KLF8: variants seen among roughly 807,000 people sequenced by gnomAD.
KLF8 encodes Krueppel-like factor 8.
A neutral mutation model predicts 18.2 loss-of-function variants in KLF8; 10 were observed. That is an observed-to-expected ratio of 0.55 (90% CI 0.34 to 0.93). KLF8 has a LOEUF of 0.93. Ranked by LOEUF, KLF8 falls within the 40% of genes least tolerant of loss-of-function variation. The pLI is 0.02. For missense variants in KLF8, 264 were observed against 277.9 expected (o/e 0.95, Z 0.36); for synonymous variants, 109 against 97.3 (o/e 1.12, Z -0.71).
At chrX:56,191,414 A>C in the KLF8 span, among the ~76,000 whole-genome samples, 30 of 111,818 alleles carry the variant, frequency 2.7e-4, no homozygotes, top group African/African-American at 9.7e-4. Context: ...TACTCAAACT[A>C]TTTCAAAAAC....
the KLF8 span, among the ~76,000 whole-genome samples, chrX:56,003,793 T>A: frequency 8.9e-6 from 1 of 112,326 alleles, no homozygotes; most frequent in Admixed American, 9.5e-5. Context: ...TACTATTGTT[T>A]TGCTTATCAT....
At chrX:56,022,299 C>G in the KLF8 span, among the ~76,000 whole-genome samples, 1 of 110,363 alleles carries the variant, frequency 9.1e-6, no homozygotes, top group South Asian at 3.9e-4. Context: ...GTAATCCCAG[C>G]ACTTTGGGAG....
the KLF8 span, among the ~76,000 whole-genome samples, chrX:55,950,332 A>G: frequency 1.8e-5 from 2 of 111,343 alleles, no homozygotes; most frequent in African/African-American, 6.5e-5. Flanking sequence ...CAACAGCAGT[A>G]TGAGTAGTTA....
At chrX:56,021,526 G>GTGA in the KLF8 span, among the ~76,000 whole-genome samples, 1 of 110,286 alleles carries the variant, frequency 9.1e-6, no homozygotes, top group Non-Finnish European at 1.9e-5. Flanking sequence ...GGTTATGCAT[G>GTGA]TGATTAGTTT....
chrX:56,197,627 A>G, the KLF8 span, among the ~76,000 whole-genome samples: 2 of 112,024 alleles, frequency 1.8e-5, no homozygotes, highest in Non-Finnish European at 3.8e-5. Flanking sequence ...GTCTAGGACC[A>G]GATGGATTCA....
At chrX:56,184,999 C>T in the KLF8 span, among the ~76,000 whole-genome samples, 7 of 112,616 alleles carry the variant, frequency 6.2e-5, no homozygotes, top group South Asian at 3.6e-4. Flanking sequence ...AGTTCCTTAC[C>T]AGCAATGGAA....
At chrX:56,060,351 T>C in the KLF8 span, among the ~76,000 whole-genome samples, 5 of 111,843 alleles carry the variant, frequency 4.5e-5, no homozygotes, top group Non-Finnish European at 9.4e-5. Context: ...TATTTTGAGA[T>C]ACTTTCCATC....
the KLF8 span, among the ~76,000 whole-genome samples, chrX:55,950,067 A>G: frequency 1.8e-5 from 2 of 111,499 alleles, no homozygotes; most frequent in Middle Eastern, 4.6e-3. Flanking sequence ...TACCTAAGTA[A>G]TGTAGCTTAC....
At chrX:56,123,614 G>C in the KLF8 span, among the ~76,000 whole-genome samples, 2 of 111,883 alleles carry the variant, frequency 1.8e-5, no homozygotes, top group African/African-American at 6.5e-5. Context: ...ATAAAGCCTT[G>C]TTTCTATATT....
chrX:55,989,356 T>A, the KLF8 span, among the ~76,000 whole-genome samples: 99 of 112,435 alleles, frequency 8.8e-4, no homozygotes, highest in Non-Finnish European at 1.3e-3. Flanking sequence ...AGATAGCTCT[T>A]ATTATTTTGA....
the KLF8 span, among the ~76,000 whole-genome samples, chrX:56,089,435 C>A: frequency 8.9e-6 from 1 of 112,214 alleles, no homozygotes; most frequent in African/African-American, 3.2e-5. Context: ...TGCACCCCCA[C>A]ACCTTATGTA....
the KLF8 span, among the ~76,000 whole-genome samples, chrX:55,914,808 T>C: frequency 1.8e-5 from 2 of 111,460 alleles, no homozygotes; most frequent in Non-Finnish European, 3.8e-5. Context: ...GAAAAAAGAC[T>C]GGAAAAGTAG....
the KLF8 span, among the ~76,000 whole-genome samples, chrX:55,919,588 G>T: frequency 9.0e-6 from 1 of 110,933 alleles, no homozygotes; most frequent in African/African-American, 3.3e-5. Flanking sequence ...GCTGGGTGAG[G>T]CCTGTGACTG....
At chrX:56,194,131 C>T in the KLF8 span, among the ~76,000 whole-genome samples, 1 of 110,848 alleles carries the variant, frequency 9.0e-6, no homozygotes, top group Admixed American at 9.7e-5. Flanking sequence ...CTCCAGGCTG[C>T]AGCTCCCAGC....
the KLF8 span, among the ~76,000 whole-genome samples, chrX:56,137,196 G>A: frequency 1.0e-4 from 11 of 109,857 alleles, no homozygotes; most frequent in African/African-American, 3.0e-4. Context: ...AGTCAGTGTG[G>A]TGATTCCTCA....
At chrX:56,081,055 T>G in the KLF8 span, among the ~76,000 whole-genome samples, 3 of 111,111 alleles carry the variant, frequency 2.7e-5, no homozygotes, top group Admixed American at 2.9e-4. Context: ...TTCTTCTAAA[T>G]TTTTTTCAAA....
the KLF8 span, among the ~76,000 whole-genome samples, chrX:56,035,156 T>G: frequency 8.9e-6 from 1 of 112,158 alleles, no homozygotes; most frequent in African/African-American, 3.2e-5. Context: ...TCCTCTGTTC[T>G]ACTTTTTACT....
chrX:56,274,890 A>G (rs764952144), intron 5 of KLF8, among the ~76,000 whole-genome samples: 2 of 111,929 alleles, frequency 1.8e-5, no homozygotes, highest in Admixed American at 9.5e-5. Context: ...GCAGCACACT[A>G]TTTTGATTAC....
chrX:55,944,735 G>C, the KLF8 span, among the ~76,000 whole-genome samples: 8 of 110,657 alleles, frequency 7.2e-5, no homozygotes, highest in African/African-American at 1.3e-4. Context: ...TTCTTTCTTA[G>C]TCTTGCTAGT....
Sources: gnomAD v4.1 joint callset for allele counts (sites outside exome capture counted in the v4.1 genomes callset) on GRCh38, gnomAD v4.1.1 for gene constraint, MANE v1.5 for transcripts, NCBI Gene and HGNC (gene_info 2026-07-23, HGNC 2026-07-21) for gene names.